Variants in KCNAB2 observed in about 807,000 individuals in gnomAD.
KCNAB2 encodes voltage-gated potassium channel subunit beta-2.
A neutral mutation model predicts 63.6 loss-of-function variants in KCNAB2; 29 were observed. The observed-to-expected ratio is 0.46, with a 90% confidence interval of 0.34 to 0.62. The LOEUF (loss-of-function observed/expected upper bound fraction) is 0.62, where lower values mean the gene tolerates loss of function less well. Ranked by LOEUF, KCNAB2 falls within the 20% of genes least tolerant of loss-of-function variation. KCNAB2 has a pLI of 0.01. For missense variants in KCNAB2, 359 were observed against 563.9 expected, an observed-to-expected ratio of 0.64 and a Z score of 3.68; for synonymous variants, 222 against 224.2, an observed-to-expected ratio of 0.99 and a Z score of 0.09.
intron 2 of KCNAB2, among the ~76,000 whole-genome samples, chr1:6,062,873 A>G (rs1317020963): frequency 6.6e-6 from 1 of 152,200 alleles, no homozygotes; most frequent in Non-Finnish European, 1.5e-5. Context: ...AGTGCAATTC[A>G]GCAGTTTTCA....
rs372576924 is a variant in KCNAB2, at chr1:6,003,854, G to A, written c.-53+11066G>A. ...GGCATGGCTGGCCCCAGCTTGCAGC[G>A]GTCGCTTCTGCATCTCTTTTTATTC... On this transcript the variant is annotated intron_variant, in intron 1 of 16. Transcript: ENST00000341524. This position sits in a 1 kb window ranked among gnomAD's most constrained non-coding sequence, Gnocchi z 4.1. Among the ~76,000 whole-genome samples, 16 of 152,332 alleles carry A rather than the reference G, an allele frequency of 1.1e-4. No homozygotes were observed. The highest frequency in any genetic ancestry group is 6.8e-3 in the Middle Eastern group (2 of 294).
At chr1:5,998,719 A>C (rs1028227189) in intron 1 of KCNAB2, among the ~76,000 whole-genome samples, 1 of 152,204 alleles carries the variant, frequency 6.6e-6, no homozygotes, top group Non-Finnish European at 1.5e-5. Context: ...GGGGAAGCAG[A>C]GCTGGGCTCC....
intron 1 of KCNAB2, among the ~76,000 whole-genome samples, chr1:5,998,285 C>T (rs756756356): frequency 3.9e-5 from 6 of 152,188 alleles, no homozygotes; most frequent in Admixed American, 3.9e-4. Flanking sequence ...AAGAGGAGAG[C>T]CCTGGAGCCC....
At chr1:6,041,886 A>C, upstream of KCNAB2, 4 of 1,613,336 alleles carry the variant, frequency 2.5e-6, no homozygotes, top group Non-Finnish European at 3.4e-6. Context: ...ATGAGTCTTC[A>C]TTCTCCCTAA....
In KCNAB2 at chr1:6,056,695, C is replaced by T. The variant is rs536107707; in HGVS notation, c.218+4941C>T. Among the ~76,000 whole-genome samples the T allele has an allele frequency of 8.5e-5, 13 of 152,352 alleles. No individual in the cohort carries two copies. The South Asian group carries it at 2.3e-3, about 27-fold the overall frequency. On this transcript the variant is annotated intron_variant, in intron 2 of 15. Coordinates refer to ENST00000378083, the MANE Select transcript of KCNAB2 (RefSeq NM_001199862.2). ...TTTCAACTCGGACCCCTCTCCCTCC[C>T]GCTCAGGAGGCTCTGGACGCCGCCC...
intron 1 of KCNAB2, among the ~76,000 whole-genome samples, chr1:5,995,430 A>G (rs941518557): frequency 6.6e-6 from 1 of 152,232 alleles, no homozygotes. Flanking sequence ...CCCCGAGGAC[A>G]TGACCGGCTG....
intron 4 of KCNAB2, among the ~76,000 whole-genome samples, chr1:6,075,815 C>T (rs1663611644): frequency 6.6e-6 from 1 of 152,126 alleles, no homozygotes; most frequent in Non-Finnish European, 1.5e-5. Context: ...ACTGTGCCAC[C>T]CTTACCAATA....
intron 1 of KCNAB2, among the ~76,000 whole-genome samples, chr1:6,023,950 T>C (rs1166485191): frequency 1.3e-5 from 2 of 151,754 alleles, no homozygotes; most frequent in Non-Finnish European, 2.9e-5. Flanking sequence ...TTTTTTTTTT[T>C]TTTTTCGAGA....
rs1660905686 is a variant in KCNAB2 at position 6,046,170 on chromosome 1, C to T, written c.-40C>T. On this transcript the variant is annotated 5_prime_UTR_variant, in exon 1 of 16. Transcript: ENST00000378083. Reference sequence around the variant, plus strand: ...TGTGGCCTTTTTAACGAGCAGACGCCCCCACGAAGGCAGGTGAGTCCTCCC... The same window carrying T: ...TGTGGCCTTTTTAACGAGCAGACGCTCCCACGAAGGCAGGTGAGTCCTCCC... The T allele has an allele frequency of 3.0e-6, 3 of 985,268 alleles. No homozygotes were observed. In the African/African-American group the frequency reaches 5.2e-5, roughly 17 times the overall value. 61.0% of individuals were successfully genotyped at this position (985,268 alleles called of 1,614,324 possible). A position where few individuals can be genotyped will look rare whatever the true frequency, so the allele number is the denominator to read the frequency against.
chr1:6,065,549 C>T (rs146232248), intron 2 of KCNAB2, among the ~76,000 whole-genome samples: 20 of 152,148 alleles, frequency 1.3e-4, no homozygotes, highest in African/African-American at 4.1e-4. Flanking sequence ...GCAGTCACAG[C>T]GGCCCTGCGC....
At chr1:6,092,684 T>TC (rs754826440) in intron 10 of KCNAB2, among the ~76,000 whole-genome samples, 2 of 152,188 alleles carry the variant, frequency 1.3e-5, no homozygotes, top group Non-Finnish European at 2.9e-5. Context: ...CCTCAAACTT[T>TC]CCCAACCAGG....
chr1:6,094,062 C>A (rs575275275), intron 10 of KCNAB2, among the ~76,000 whole-genome samples: 6 of 152,304 alleles, frequency 3.9e-5, no homozygotes, highest in African/African-American at 1.2e-4. Flanking sequence ...ACCTCCAGTT[C>A]TAGAGTCCAG....
At chr1:6,095,875 G>T (rs1279969528) in intron 13 of KCNAB2, among the ~76,000 whole-genome samples, 1 of 28,806 alleles carries the variant, frequency 3.5e-5, no homozygotes, top group Non-Finnish European at 7.8e-5. Flanking sequence ...CCCCCCCCCT[G>T]CCCCCACCAC....
rs994625363 is a variant in KCNAB2, at chr1:6,078,814, G to A, written c.301-3381G>A. Among the ~76,000 whole-genome samples the A allele has an allele frequency of 6.1e-4, 93 of 151,284 alleles. 1 individual carries two copies. The highest frequency in any genetic ancestry group is 8.5e-4 in the Admixed American group (13 of 15,274). On this transcript the variant is annotated intron_variant, in intron 4 of 15. Coordinates refer to ENST00000378083, the MANE Select transcript of KCNAB2 (RefSeq NM_001199862.2). The surrounding 1 kb of genome is among the most constrained non-coding windows in gnomAD (Gnocchi z 4.2). ...GTACTCGGAAGGCACATCCTGATGT[G>A]GCAGGGCTGTCGTGGAGCCTGGGAG...
At chr1:6,039,243 T>A (rs1660300639) in intron 1 of KCNAB2, among the ~76,000 whole-genome samples, 1 of 152,116 alleles carries the variant, frequency 6.6e-6, no homozygotes, top group Admixed American at 6.5e-5. Context: ...GGCGGGGGCC[T>A]GGGTCAAGGG....
At chr1:6,038,537 A>T (rs1306826202) in intron 1 of KCNAB2, among the ~76,000 whole-genome samples, 1 of 151,506 alleles carries the variant, frequency 6.6e-6, no homozygotes, top group Non-Finnish European at 1.5e-5. Flanking sequence ...CTGGTCTCAA[A>T]CTCCTGTGCT....
chr1:6,042,385 A>T (rs1417549268), upstream of KCNAB2, among the ~76,000 whole-genome samples: 1 of 152,028 alleles, frequency 6.6e-6, no homozygotes, highest in East Asian at 1.9e-4. Context: ...CATCTTTCTG[A>T]TATGTTTTTC....
upstream of KCNAB2, chr1:6,041,810 T>C (rs769034125): frequency 6.2e-7 from 1 of 1,610,346 alleles, no homozygotes; most frequent in South Asian, 1.1e-5. Flanking sequence ...CTTTTTCTCT[T>C]TTCTCCATTG....
chr1:6,041,855 A>G (rs1401884254), upstream of KCNAB2: 3 of 1,613,822 alleles, frequency 1.9e-6, no homozygotes, highest in African/African-American at 2.7e-5. Flanking sequence ...GTCCCAAAAG[A>G]CAGCTCCAGT....
Sources: allele counts gnomAD v4.1 joint callset (sites outside exome capture counted in the v4.1 genomes callset), GRCh38; gene constraint gnomAD v4.1.1; non-coding constraint Gnocchi (gnomAD v3.1); transcripts MANE v1.5; gene names NCBI Gene and HGNC (gene_info 2026-07-23, HGNC 2026-07-21).